The following COL9A1 variants were observed in gnomAD, a reference collection of about 807,000 sequenced individuals.
COL9A1 encodes the protein collagen alpha-1(IX) chain.
In COL9A1, 104 loss-of-function variants were observed where a neutral mutation model predicts 142.6. The ratio of observed to expected loss-of-function variants is 0.73; its 90% CI spans 0.62 to 0.86. COL9A1 has a LOEUF of 0.86. Among genes scored for constraint, COL9A1 ranks in the 40% least tolerant of loss-of-function variants. COL9A1 has a pLI of 0.00. For synonymous variants in COL9A1, 466 were observed against 396.0 expected (o/e 1.18, Z -2.10); for missense variants, 1,210 against 1,176.6 (o/e 1.03, Z -0.42).
chr6:70,295,524 G>T (rs1773821559), intron 4 of COL9A1, among the ~76,000 whole-genome samples: 1 of 151,958 alleles, frequency 6.6e-6, no homozygotes, highest in South Asian at 2.1e-4. Flanking sequence ...CTGACCTCAG[G>T]TGATCCTCCT....
At chr6:70,263,943 T>C (rs1170995776) in intron 18 of COL9A1, among the ~76,000 whole-genome samples, 6 of 151,998 alleles carry the variant, frequency 3.9e-5, no homozygotes, top group African/African-American at 1.4e-4. Flanking sequence ...TTTGTTTGGA[T>C]GTAAAGCAAA....
chr6:70,265,375 C>T (rs1220387697), intron 18 of COL9A1, among the ~76,000 whole-genome samples: 4 of 152,032 alleles, frequency 2.6e-5, no homozygotes, highest in African/African-American at 9.7e-5. Flanking sequence ...TGCTTTACTG[C>T]ATAGAATACC....
intron 28 of COL9A1, among the ~76,000 whole-genome samples, chr6:70,251,378 C>T (rs971004239): frequency 6.6e-6 from 1 of 151,972 alleles, no homozygotes; most frequent in Non-Finnish European, 1.5e-5. Flanking sequence ...GACCCCATCT[C>T]TACAAAAAAA....
chr6:70,287,340 C>A (rs1053313884), intron 5 of COL9A1, among the ~76,000 whole-genome samples: 1 of 151,990 alleles, frequency 6.6e-6, no homozygotes, highest in African/African-American at 2.4e-5. Context: ...ATTAAATTGT[C>A]ATTGAAAGAC....
At chr6:70,292,915 T>C (rs968244305) in intron 5 of COL9A1, among the ~76,000 whole-genome samples, 1 of 152,122 alleles carries the variant, frequency 6.6e-6, no homozygotes, top group Non-Finnish European at 1.5e-5. Flanking sequence ...AATGAAGAAA[T>C]ACTTTTTCAA....
At chr6:70,282,874 A>G (rs1367282049) in intron 7 of COL9A1, 24 bp downstream of exon 7, 2 of 1,614,048 alleles carry the variant, frequency 1.2e-6, no homozygotes, top group East Asian at 2.2e-5. Flanking sequence ...TGAAAAATGC[A>G]AACACTCCCT....
At chr6:70,231,301 T>G (rs1769528079) in intron 36 of COL9A1, among the ~76,000 whole-genome samples, 2 of 152,326 alleles carry the variant, frequency 1.3e-5, no homozygotes, top group Non-Finnish European at 2.9e-5. Context: ...GTAGAGTTTC[T>G]TAGAAATTAT....
chr6:70,296,951 A>G (rs559219967), intron 4 of COL9A1, among the ~76,000 whole-genome samples: 15 of 152,250 alleles, frequency 9.9e-5, no homozygotes, highest in African/African-American at 2.9e-4. Flanking sequence ...GGCTTCAACT[A>G]TAGATATACT....
At chr6:70,251,677 G>C (rs1770954344) in intron 28 of COL9A1, among the ~76,000 whole-genome samples, 1 of 152,186 alleles carries the variant, frequency 6.6e-6, no homozygotes, top group South Asian at 2.1e-4. Flanking sequence ...AAAACTGAAG[G>C]AATTAAGAGG....
intron 10 of COL9A1, chr6:70,279,890 G>GT (rs1462331256): frequency 2.0e-6 from 1 of 506,576 alleles, no homozygotes; most frequent in East Asian, 2.9e-5. Context: ...AAAGTCTTTA[G>GT]TTTTTGGAAA....
At position 70,243,110 on chromosome 6, in the gene COL9A1, A is replaced by G. The variant is rs149538298; in HGVS notation, c.1873-395T>C. On this transcript the variant is annotated intron_variant, in intron 28 of 37. Coordinates refer to ENST00000357250, the MANE Select transcript of COL9A1 (RefSeq NM_001851.6). ...ACACAGAATAAATTCTCAGGTCTAC[A>G]GAACATTTCAAAGCAACATCTGGCA... 2.4e-3 allele frequency among the ~76,000 whole-genome samples: 364 copies of G among 152,388 alleles called. 3 individuals are homozygous for G. The highest frequency in any genetic ancestry group is 8.4e-3 in the African/African-American group (348 of 41,598).
intron 33 of COL9A1, among the ~76,000 whole-genome samples, chr6:70,238,094 T>A (rs1403697327): frequency 3.3e-5 from 5 of 152,212 alleles, no homozygotes; most frequent in Admixed American, 1.3e-4. Context: ...CTGATTTTAT[T>A]CTTAAAGAGT....
intron 31 of COL9A1, 24 bp from the exon 32 acceptor site, chr6:70,240,757 C>G: frequency 6.2e-7 from 1 of 1,603,968 alleles, no homozygotes. Flanking sequence ...TAAAAGGTTA[C>G]ATTTTAAAAT....
At chr6:70,258,825 G>A (rs1771494890) in intron 20 of COL9A1, 1 of 152,012 alleles carries the variant, frequency 6.6e-6, no homozygotes, top group Admixed American at 6.6e-5. Flanking sequence ...ATACCAAATG[G>A]AAAAATATCT....
chr6:70,279,466 C>T (rs1034260486), intron 10 of COL9A1: 1 of 152,022 alleles, frequency 6.6e-6, no homozygotes, highest in African/African-American at 2.4e-5. Context: ...ATGGGTGAAA[C>T]CCCATCTCTA....
At position 70,216,830 on chromosome 6, in the gene COL9A1, G is replaced by A; in HGVS notation, c.*67C>T. On this transcript the variant is annotated 3_prime_UTR_variant, in exon 38 of 38. Coordinates refer to ENST00000357250, the MANE Select transcript of COL9A1 (RefSeq NM_001851.6). ...AATCATCTTTGCCCCAGCTTTGGAT[G>A]GTGTTTCTCACCCAGGCTCCTTCAC... The A allele has an allele frequency of 6.5e-7, 1 of 1,537,248 alleles. No individual in the cohort carries two copies. Among genetic ancestry groups the A allele is most frequent in the Non-Finnish European group, 9.0e-7 (1 of 1,113,278 alleles).
intron 36 of COL9A1, 83 bp from the exon 37 acceptor site, chr6:70,226,092 A>C: frequency 7.9e-7 from 1 of 1,263,900 alleles, no homozygotes. Flanking sequence ...GCAAATCTAA[A>C]ATTCAGAAAC....
chr6:70,290,145 A>C (rs1054526231), intron 5 of COL9A1, among the ~76,000 whole-genome samples: 1 of 152,170 alleles, frequency 6.6e-6, no homozygotes, highest in African/African-American at 2.4e-5. Context: ...ATAAACTTTA[A>C]TCACCCCTCA....
Position 70,270,331 on chromosome 6 carries a change from C to A in COL9A1, c.1180G>T (p.Gly394Cys), listed in dbSNP as rs1283598141. Residue 394 changes from glycine (G) to cysteine (C), a missense_variant, in exon 15 of 38, where the codon GGC (glycine) becomes TGC (cysteine). By Grantham distance (159) the Gly-to-Cys change is radical. Coordinates refer to ENST00000357250, the MANE Select transcript of COL9A1 (RefSeq NM_001851.6). ...PGRRGPPGPP[G>C]PPGPRGTIGF... ...TAACTTACTCTGGGTCCTGGGGGGC[C>A]AGGGGGGCCAGGTGGTCCTCTTCTC... The A allele has an allele frequency of 6.8e-6, 11 of 1,613,390 alleles. No homozygotes were observed. Among genetic ancestry groups the A allele is most frequent in the African/African-American group, 1.3e-5 (1 of 74,816 alleles).
Sources: gnomAD v4.1 joint callset for allele counts (sites outside exome capture counted in the v4.1 genomes callset) on GRCh38, gnomAD v4.1.1 for gene constraint, MANE v1.5 for transcripts, NCBI Gene and HGNC (gene_info 2026-07-23, HGNC 2026-07-21) for gene names.